Variants in SAXO1 observed in about 807,000 individuals in gnomAD.
The protein encoded by SAXO1 is stabilizer of axonemal microtubules 1.
SAXO1 carries 21 observed loss-of-function variants against 17.5 expected under a neutral mutation model. The ratio of observed to expected loss-of-function variants is 1.20; its 90% confidence interval spans 0.85 to 1.72. SAXO1 has a LOEUF of 1.72. Among genes scored for constraint, SAXO1 ranks in the 40% most tolerant of loss-of-function variants. SAXO1 has a pLI of 0.00. For synonymous variants in SAXO1, 274 were observed against 216.5 expected (o/e 1.27, Z -2.33); for missense variants, 843 against 596.0 (o/e 1.41, Z -4.32).
chr9:18,998,277 C>G (rs7028936), intron 1 of SAXO1, among the ~76,000 whole-genome samples: 78,741 of 151,764 alleles, frequency 0.52, 21,723 homozygotes, highest in Non-Finnish European at 0.63. Context: ...TAAATGACCT[C>G]GTGGATCTGA....
chr9:18,934,744 T>C (rs1367427096), intron 3 of SAXO1, among the ~76,000 whole-genome samples: 1 of 152,230 alleles, frequency 6.6e-6, no homozygotes, highest in African/African-American at 2.4e-5. Context: ...ACAATTTTTT[T>C]GTGTAAAACA....
intron 1 of SAXO1, among the ~76,000 whole-genome samples, chr9:18,989,631 A>T (rs962480183): frequency 6.6e-6 from 1 of 151,554 alleles, no homozygotes; most frequent in African/African-American, 2.4e-5. Context: ...TCAGGCTTTT[A>T]AAAAAAAATA....
At chr9:19,004,331 C>A (rs1230608273) in intron 1 of SAXO1, among the ~76,000 whole-genome samples, 4 of 152,064 alleles carry the variant, frequency 2.6e-5, no homozygotes, top group African/African-American at 9.7e-5. Context: ...TGTGGTGATT[C>A]CTCAAGGTTC....
At chr9:19,044,944 T>G (rs924324801) in intron 1 of SAXO1, among the ~76,000 whole-genome samples, 5 of 151,636 alleles carry the variant, frequency 3.3e-5, no homozygotes, top group African/African-American at 9.7e-5. Context: ...CTCCAAATGG[T>G]TCAAGAATCG....
intron 2 of SAXO1, among the ~76,000 whole-genome samples, chr9:18,943,622 C>T (rs1831670121): frequency 1.3e-5 from 2 of 152,216 alleles, no homozygotes; most frequent in Non-Finnish European, 2.9e-5. Flanking sequence ...AAGTTGAGCT[C>T]TCCTCACTCT....
intron 1 of SAXO1, among the ~76,000 whole-genome samples, chr9:18,997,170 G>C (rs942639262): frequency 5.9e-5 from 9 of 152,212 alleles, no homozygotes; most frequent in African/African-American, 1.7e-4. Context: ...ACAAGGGGTT[G>C]GGGGATTTCC....
At chr9:19,043,001 G>C (rs933098289) in intron 1 of SAXO1, among the ~76,000 whole-genome samples, 24 of 151,504 alleles carry the variant, frequency 1.6e-4, no homozygotes, top group African/African-American at 5.6e-4. Context: ...GCAAAACCCT[G>C]TCTCTACAAA....
intron 1 of SAXO1, among the ~76,000 whole-genome samples, chr9:19,040,345 A>C (rs752733530): frequency 3.3e-5 from 5 of 152,142 alleles, no homozygotes; most frequent in African/African-American, 4.8e-5. Flanking sequence ...GTGAAATTTG[A>C]TTAAAGATGT....
intron 1 of SAXO1, among the ~76,000 whole-genome samples, chr9:19,008,175 ATGTT>A (rs1834568646): frequency 6.6e-6 from 1 of 152,070 alleles, no homozygotes; most frequent in Non-Finnish European, 1.5e-5. Context: ...GGGTTTCACC[ATGTT>A]GCCCAGGCTG....
intron 1 of SAXO1, among the ~76,000 whole-genome samples, chr9:19,026,388 T>C (rs1452295467): frequency 6.6e-6 from 1 of 152,182 alleles, no homozygotes; most frequent in East Asian, 1.9e-4. Flanking sequence ...TTCCCATATA[T>C]TAAAATTAAT....
intron 1 of SAXO1, among the ~76,000 whole-genome samples, chr9:18,961,527 C>T (rs536500164): frequency 6.6e-6 from 1 of 152,174 alleles, no homozygotes; most frequent in East Asian, 1.9e-4. Context: ...GTGATGTTCC[C>T]CTCCCTGTGT....
At chr9:18,933,770 G>T (rs2131676483) in intron 3 of SAXO1, among the ~76,000 whole-genome samples, 1 of 152,282 alleles carries the variant, frequency 6.6e-6, no homozygotes, top group Middle Eastern at 3.4e-3. Context: ...TTTTGGGCCG[G>T]GCACGGTGGC....
intron 1 of SAXO1, among the ~76,000 whole-genome samples, chr9:19,039,944 G>A (rs1186465293): frequency 6.6e-6 from 1 of 151,560 alleles, no homozygotes; most frequent in Non-Finnish European, 1.5e-5. Flanking sequence ...GGCCAGGCTG[G>A]TTCTGAACTC....
At chr9:18,994,822 G>A (rs768631243) in intron 1 of SAXO1, among the ~76,000 whole-genome samples, 1 of 152,184 alleles carries the variant, frequency 6.6e-6, no homozygotes, top group Admixed American at 6.5e-5. Flanking sequence ...ATGCAATCTG[G>A]GGCTAATCTC....
At chr9:18,950,968 C>T (rs1449658984) in intron 1 of SAXO1, 31 bp from the exon 2 acceptor site, 1 of 1,583,716 alleles carries the variant, frequency 6.3e-7, no homozygotes, top group South Asian at 1.1e-5. Flanking sequence ...GGTTGATTAC[C>T]TTCTTGGGAG....
chr9:18,942,407 C>T (rs996641295), intron 2 of SAXO1, among the ~76,000 whole-genome samples: 2 of 152,164 alleles, frequency 1.3e-5, no homozygotes, highest in Admixed American at 6.5e-5. Context: ...ACCGTTTCTA[C>T]TGCTGCGCTC....
chr9:19,047,424 G>A (rs1205871157), intron 1 of SAXO1, among the ~76,000 whole-genome samples: 1 of 152,038 alleles, frequency 6.6e-6, no homozygotes, highest in African/African-American at 2.4e-5. Context: ...CCAGACCTTA[G>A]GAGTATTCAC....
rs567838373 is a variant in SAXO1 at position 18,933,874 on chromosome 9, G to A, written c.422-4819C>T. On this transcript the variant is annotated intron_variant, in intron 3 of 3. Coordinates refer to ENST00000380534, the MANE Select transcript of SAXO1 (RefSeq NM_153707.4). ...ATCCTGGCCAACATGGTGAAACCCT[G>A]TCTCTACTAAAAATACAACAAATTA... Among the ~76,000 whole-genome samples, 51 of 152,136 alleles carry A rather than the reference G, an allele frequency of 3.4e-4. 2 individuals are homozygous for A. The South Asian group carries it at 8.1e-3, about 24-fold the overall frequency.
intron 1 of SAXO1, among the ~76,000 whole-genome samples, chr9:19,013,307 G>C (rs1834832502): frequency 6.6e-6 from 1 of 152,168 alleles, no homozygotes; most frequent in Non-Finnish European, 1.5e-5. Context: ...AACAAAGCCA[G>C]GCTATAATAG....
Sources: gnomAD v4.1 joint callset for allele counts (sites outside exome capture counted in the v4.1 genomes callset) on GRCh38, gnomAD v4.1.1 for gene constraint, MANE v1.5 for transcripts, NCBI Gene and HGNC (gene_info 2026-07-23, HGNC 2026-07-21) for gene names.